GSE1: variants seen among roughly 807,000 people sequenced by gnomAD.
GSE1 encodes the protein genetic suppressor element 1.
A neutral mutation model predicts 112.6 loss-of-function variants in GSE1; 32 were observed. The ratio of observed to expected loss-of-function variants is 0.28; its 90% CI spans 0.21 to 0.38. The LOEUF (loss-of-function observed/expected upper bound fraction) is 0.38. GSE1 is among the 10% of genes least tolerant of loss of function. The pLI is 1.00. For synonymous variants in GSE1, 1,115 were observed against 735.6 expected (o/e 1.52, Z -8.35); for missense variants, 2,348 against 1,699.2 (o/e 1.38, Z -6.71).
Position 85,311,717 on chromosome 16 carries a change from T to C in GSE1, c.2284-45746T>C, listed in dbSNP as rs2045853747. Among the ~76,000 whole-genome samples, 1 of 152,132 alleles carries C rather than the reference T, an allele frequency of 6.6e-6. No homozygotes were observed. The highest frequency in any genetic ancestry group is 2.1e-4 in the South Asian group (1 of 4,830). ...CTGGATACCTCCTGCCTGCTTCATT[T>C]CCCAGATGTCTTAGGACCTGAGGTG... On this transcript the variant is annotated intron_variant, in intron 1 of 2. Transcript: ENST00000637419. This position sits in a 1 kb window ranked among gnomAD's most constrained non-coding sequence, Gnocchi z 4.2.
chr16:85,243,497 G>A (rs902351455), intron 1 of GSE1, among the ~76,000 whole-genome samples: 5 of 152,218 alleles, frequency 3.3e-5, no homozygotes, highest in Non-Finnish European at 7.3e-5. Flanking sequence ...GCTTGCTGCC[G>A]GGTGCACGCA....
At chr16:85,629,970 G>A (rs1005943710) in intron 1 of GSE1, among the ~76,000 whole-genome samples, 4 of 152,232 alleles carry the variant, frequency 2.6e-5, no homozygotes, top group Non-Finnish European at 4.4e-5. Context: ...TGGCTTAGCT[G>A]GGTGGTTCTG....
At chr16:85,632,236 C>G (rs1041963664) in intron 1 of GSE1, among the ~76,000 whole-genome samples, 4 of 152,228 alleles carry the variant, frequency 2.6e-5, no homozygotes, top group African/African-American at 9.6e-5. Flanking sequence ...CGCCACCTGG[C>G]TGTTGCCTGC....
At chr16:85,426,199 C>CTGGATGGA (rs146456524) in intron 2 of GSE1, among the ~76,000 whole-genome samples, 302 of 138,196 alleles carry the variant, frequency 2.2e-3, no homozygotes, top group Non-Finnish European at 2.8e-3. Flanking sequence ...AGATGGATGG[C>CTGGATGGA]TGGATGGATG....
intron 1 of GSE1, among the ~76,000 whole-genome samples, chr16:85,341,201 T>C (rs1436350724): frequency 6.6e-6 from 1 of 152,040 alleles, no homozygotes; most frequent in East Asian, 1.9e-4. Context: ...TTGTTTACTT[T>C]TTTTTTTTAA....
intron 2 of GSE1, among the ~76,000 whole-genome samples, chr16:85,517,027 G>A (rs905303335): frequency 1.3e-5 from 2 of 152,188 alleles, no homozygotes; most frequent in Non-Finnish European, 2.9e-5. Flanking sequence ...TCGATCTCCT[G>A]ATCTCATGAT....
intron 1 of GSE1, among the ~76,000 whole-genome samples, chr16:85,282,711 G>A (rs551302687): frequency 1.3e-5 from 2 of 152,316 alleles, no homozygotes; most frequent in African/African-American, 4.8e-5. Context: ...CCATAATTTT[G>A]TGCTTTTGCT....
At chr16:85,239,592 C>T (rs1905008789) in intron 1 of GSE1, among the ~76,000 whole-genome samples, 1 of 152,206 alleles carries the variant, frequency 6.6e-6, no homozygotes, top group Admixed American at 6.5e-5. Flanking sequence ...ACCTTCCCAC[C>T]TAACCTGGGC....
At chr16:85,225,398 T>C (rs538037220) in intron 1 of GSE1, among the ~76,000 whole-genome samples, 1 of 152,178 alleles carries the variant, frequency 6.6e-6, no homozygotes, top group African/African-American at 2.4e-5. Context: ...GTGTGGGGCT[T>C]CCTGGGAAGA....
At chr16:85,599,855 G>A (rs1034579401) in intron 1 of GSE1, among the ~76,000 whole-genome samples, 3 of 152,184 alleles carry the variant, frequency 2.0e-5, no homozygotes, top group Non-Finnish European at 2.9e-5. Context: ...AGCTATGATC[G>A]TACCACTGCC....
intron 2 of GSE1, among the ~76,000 whole-genome samples, chr16:85,534,436 A>T (rs1252185587): frequency 6.6e-6 from 1 of 151,986 alleles, no homozygotes; most frequent in Non-Finnish European, 1.5e-5. Context: ...TCTTTTTTTA[A>T]AACATTATGG....
At chr16:85,497,465 G>A (rs747376720) in intron 2 of GSE1, among the ~76,000 whole-genome samples, 2 of 152,188 alleles carry the variant, frequency 1.3e-5, no homozygotes, top group Admixed American at 6.5e-5. Context: ...GGTCGTGTGC[G>A]TGAATTCTTC....
At chr16:85,621,264 G>A (rs1367535940) in intron 1 of GSE1, among the ~76,000 whole-genome samples, 1 of 147,866 alleles carries the variant, frequency 6.8e-6, no homozygotes, top group African/African-American at 2.5e-5. Context: ...CCCTGGGTCT[G>A]TGCTCTGTTG....
intron 1 of GSE1, among the ~76,000 whole-genome samples, chr16:85,575,579 C>T (rs1249168467): frequency 6.6e-6 from 1 of 151,958 alleles, no homozygotes; most frequent in Non-Finnish European, 1.5e-5. Context: ...CGGCTAATTG[C>T]GATTTCTTTT....
intron 2 of GSE1, among the ~76,000 whole-genome samples, chr16:85,465,653 A>G (rs1057119080): frequency 5.9e-5 from 9 of 152,086 alleles, no homozygotes; most frequent in African/African-American, 2.2e-4. Flanking sequence ...GAAGCCTTCC[A>G]GACTCCACCC....
intron 1 of GSE1, among the ~76,000 whole-genome samples, chr16:85,181,495 C>A (rs1476803224): frequency 6.6e-6 from 1 of 152,222 alleles, no homozygotes; most frequent in Non-Finnish European, 1.5e-5. Flanking sequence ...TCCACACGGC[C>A]CTGCCCCTGA....
intron 1 of GSE1, among the ~76,000 whole-genome samples, chr16:85,280,442 C>T (rs1255111642): frequency 6.6e-6 from 1 of 152,186 alleles, no homozygotes. Context: ...GTTGCCCAGG[C>T]TGGAGTGTAG....
intron 1 of GSE1, among the ~76,000 whole-genome samples, chr16:85,617,609 C>T (rs57190734): frequency 2.6e-5 from 3 of 114,388 alleles, no homozygotes; most frequent in Non-Finnish European, 4.1e-5. Context: ...CCCCCCCCCC[C>T]CCGTTAACTG....
intron 2 of GSE1, among the ~76,000 whole-genome samples, chr16:85,488,296 G>T (rs1349820599): frequency 1.3e-5 from 2 of 152,100 alleles, no homozygotes; most frequent in Admixed American, 1.3e-4. Context: ...CAGCTTGTCT[G>T]CCCGCCTCCG....
Sources: gnomAD v4.1 joint callset for allele counts (sites outside exome capture counted in the v4.1 genomes callset) on GRCh38, gnomAD v4.1.1 for gene constraint, Gnocchi (gnomAD v3.1) non-coding constraint, MANE v1.5 for transcripts, NCBI Gene and HGNC (gene_info 2026-07-23, HGNC 2026-07-21) for gene names.